Variants in PRKN observed in about 807,000 individuals in gnomAD.
The protein encoded by PRKN is parkin RBR E3 ubiquitin protein ligase, also known as E3 ubiquitin-protein ligase parkin.
In PRKN, 56 loss-of-function variants were observed where a neutral mutation model predicts 59.5. The observed-to-expected ratio is 0.94, with a 90% CI of 0.76 to 1.18. The LOEUF (loss-of-function observed/expected upper bound fraction) is 1.18, where lower values mean the gene tolerates loss of function less well. Ranked by LOEUF, PRKN falls within the 50% of genes most tolerant of loss-of-function variation. PRKN has a pLI of 0.00. For synonymous variants in PRKN, 250 were observed against 222.1 expected, an observed-to-expected ratio of 1.13 and a Z score of -1.12; for missense variants, 657 against 596.4, an observed-to-expected ratio of 1.10 and a Z score of -1.06.
chr6:162,000,545 G>C (rs567410513), intron 5 of PRKN, among the ~76,000 whole-genome samples: 17 of 151,962 alleles, frequency 1.1e-4, no homozygotes, highest in African/African-American at 3.6e-4. Context: ...TGTATATTTT[G>C]GATGGTAGTT....
At chr6:162,390,396 TA>T (rs2062909186) in intron 2 of PRKN, among the ~76,000 whole-genome samples, 1 of 84,116 alleles carries the variant, frequency 1.2e-5, no homozygotes, top group South Asian at 3.5e-4. Context: ...TATATATATA[TA>T]CACACACACA....
At chr6:161,558,280 A>T (rs892415825) in intron 8 of PRKN, among the ~76,000 whole-genome samples, 1 of 152,140 alleles carries the variant, frequency 6.6e-6, no homozygotes, top group African/African-American at 2.4e-5. Flanking sequence ...AAAAAAATTC[A>T]GTCAGGTATA....
intron 7 of PRKN, among the ~76,000 whole-genome samples, chr6:161,748,311 T>C (rs371497188): frequency 5.1e-4 from 77 of 152,278 alleles, no homozygotes; most frequent in African/African-American, 1.8e-3. Flanking sequence ...ACGTCTTTTT[T>C]TTTTCTTTCT....
intron 7 of PRKN, among the ~76,000 whole-genome samples, chr6:161,752,886 A>G (rs570391733): frequency 6.6e-6 from 1 of 152,296 alleles, no homozygotes; most frequent in East Asian, 1.9e-4. Context: ...AGCAGGAATC[A>G]ACAGAAATTG....
At chr6:162,030,648 G>T (rs1336785596) in intron 5 of PRKN, among the ~76,000 whole-genome samples, 4 of 152,194 alleles carry the variant, frequency 2.6e-5, no homozygotes, top group Non-Finnish European at 5.9e-5. Flanking sequence ...TTTGGGCAGA[G>T]GCTCTGAGTC....
At chr6:162,620,970 T>C (rs1412497617) in intron 1 of PRKN, among the ~76,000 whole-genome samples, 2 of 152,240 alleles carry the variant, frequency 1.3e-5, no homozygotes, top group Non-Finnish European at 2.9e-5. Flanking sequence ...TGATAGCTTC[T>C]CGGATCCAGT....
rs1780651804 is a variant in PRKN at position 162,578,511 on chromosome 6, T to C, written c.8-135038A>G. On this transcript the variant is annotated intron_variant, in intron 1 of 11. Transcript: ENST00000366898. ...ATTTCTTATAATAAAACAGCAATAC[T>C]ATTTTAAATGTCTGTTTTGAGGACA... Among the ~76,000 whole-genome samples, 4 of 152,188 alleles carry C rather than the reference T, an allele frequency of 2.6e-5. No individual in the cohort carries two copies. The South Asian group carries it at 8.3e-4, about 32-fold the overall frequency.
chr6:161,823,480 A>G (rs1009724847), intron 6 of PRKN, among the ~76,000 whole-genome samples: 1 of 152,192 alleles, frequency 6.6e-6, no homozygotes, highest in African/African-American at 2.4e-5. Flanking sequence ...AATCCTGTCC[A>G]TAAGTGTATG....
intron 1 of PRKN, among the ~76,000 whole-genome samples, chr6:162,489,445 A>G (rs900624293): frequency 6.6e-6 from 1 of 152,212 alleles, no homozygotes; most frequent in Non-Finnish European, 1.5e-5. Context: ...CACTGAGGAA[A>G]GATAGAAAAT....
At chr6:162,216,776 G>A (rs1777692564) in intron 3 of PRKN, among the ~76,000 whole-genome samples, 1 of 152,094 alleles carries the variant, frequency 6.6e-6, no homozygotes, top group South Asian at 2.1e-4. Flanking sequence ...ATGAGATGAT[G>A]AGACCAAGTT....
At chr6:162,650,948 T>C (rs1212942501) in intron 1 of PRKN, among the ~76,000 whole-genome samples, 2 of 152,174 alleles carry the variant, frequency 1.3e-5, no homozygotes, top group African/African-American at 4.8e-5. Context: ...TTATGTTCTT[T>C]TGTTTGCTGG....
At chr6:162,138,845 A>G (rs1364706084) in intron 4 of PRKN, among the ~76,000 whole-genome samples, 2 of 152,234 alleles carry the variant, frequency 1.3e-5, no homozygotes, top group East Asian at 3.8e-4. Flanking sequence ...TTCATAACTC[A>G]TCTCACCAAG....
intron 6 of PRKN, among the ~76,000 whole-genome samples, chr6:161,835,096 A>G (rs1298659842): frequency 1.3e-5 from 2 of 152,184 alleles, no homozygotes; most frequent in Non-Finnish European, 1.5e-5. Flanking sequence ...TCCCCTCTGG[A>G]GTTTCAGGAT....
At chr6:162,022,297 G>A (rs147420003) in intron 5 of PRKN, among the ~76,000 whole-genome samples, 1,962 of 151,996 alleles carry the variant, frequency 0.013, 26 homozygotes, top group Non-Finnish European at 0.022. Flanking sequence ...TAATTTACAC[G>A]CCCACCAACA....
At chr6:161,704,870 T>C (rs967116527) in intron 7 of PRKN, among the ~76,000 whole-genome samples, 3 of 152,250 alleles carry the variant, frequency 2.0e-5, no homozygotes, top group Non-Finnish European at 4.4e-5. Flanking sequence ...TCAGGGTCCC[T>C]CAGCAGTACC....
intron 1 of PRKN, among the ~76,000 whole-genome samples, chr6:162,715,659 A>C (rs1375588143): frequency 6.6e-6 from 1 of 152,186 alleles, no homozygotes; most frequent in Admixed American, 6.5e-5. Context: ...CCTAGCATTA[A>C]GATTGAGCGG....
chr6:162,168,233 C>T (rs1212580408), intron 4 of PRKN, among the ~76,000 whole-genome samples: 1 of 152,032 alleles, frequency 6.6e-6, no homozygotes, highest in East Asian at 1.9e-4. Flanking sequence ...GCATAAACCA[C>T]TAAGTTTTTC....
chr6:162,317,145 A>G (rs754800550), intron 2 of PRKN, among the ~76,000 whole-genome samples: 47 of 152,154 alleles, frequency 3.1e-4, no homozygotes, highest in Non-Finnish European at 5.4e-4. Flanking sequence ...TACTTCTTCC[A>G]TATTTCATAT....
intron 3 of PRKN, among the ~76,000 whole-genome samples, chr6:162,261,512 C>T (rs181660649): frequency 7.7e-4 from 117 of 151,974 alleles, no homozygotes; most frequent in African/African-American, 1.7e-3. Context: ...GGCTTGGGTT[C>T]GATATTTATA....
Sources: allele counts gnomAD v4.1 joint callset (sites outside exome capture counted in the v4.1 genomes callset), GRCh38; gene constraint gnomAD v4.1.1; transcripts MANE v1.5; gene names NCBI Gene and HGNC (gene_info 2026-07-23, HGNC 2026-07-21).